The following PTPN14 variants were observed in gnomAD, a reference collection of about 807,000 sequenced individuals.
The protein encoded by PTPN14 is protein tyrosine phosphatase non-receptor type 14.
In PTPN14, 53 loss-of-function variants were observed where a neutral mutation model predicts 126.8. The ratio of observed to expected loss-of-function variants is 0.42; its 90% CI spans 0.34 to 0.53. The LOEUF (loss-of-function observed/expected upper bound fraction) is 0.53. Among genes scored for constraint, PTPN14 ranks in the 20% least tolerant of loss-of-function variants. The pLI, the probability that PTPN14 is intolerant of heterozygous loss-of-function variation, is 0.08. For missense variants in PTPN14, 1,257 were observed against 1,552.9 expected, an observed-to-expected ratio of 0.81 and a Z score of 3.20; for synonymous variants, 630 against 599.3, an observed-to-expected ratio of 1.05 and a Z score of -0.75.
At chr1:214,385,832 T>G (rs754737871) in intron 12 of PTPN14, among the ~76,000 whole-genome samples, 3 of 152,134 alleles carry the variant, frequency 2.0e-5, no homozygotes, top group Non-Finnish European at 4.4e-5. Flanking sequence ...GTGCCGCAAT[T>G]TATCCACCTC....
chr1:214,504,069 A>T (rs1654771756), intron 1 of PTPN14, among the ~76,000 whole-genome samples: 1 of 152,138 alleles, frequency 6.6e-6, no homozygotes, highest in Non-Finnish European at 1.5e-5. Context: ...GAATAATGTC[A>T]CCACTTTCCC....
At chr1:214,370,334 T>C (rs1571954976) in intron 16 of PTPN14, among the ~76,000 whole-genome samples, 2 of 150,930 alleles carry the variant, frequency 1.3e-5, no homozygotes, top group Non-Finnish European at 1.5e-5. Context: ...GGCTGGAGTG[T>C]GACATGTGAG....
intron 3 of PTPN14, among the ~76,000 whole-genome samples, chr1:214,446,352 G>A (rs1277543591): frequency 6.6e-6 from 1 of 151,894 alleles, no homozygotes; most frequent in East Asian, 1.9e-4. Flanking sequence ...TTAAAGTAGG[G>A]CCTGAGTTAT....
Position 214,383,630 on chromosome 1 carries a change from G to T in PTPN14, c.2225C>A (p.Ala742Asp). 1 of 1,613,286 alleles carries T rather than the reference G, an allele frequency of 6.2e-7. No individual in the cohort carries two copies. The change falls in exon 13 of 19, where the codon GCC (alanine) becomes GAC (aspartate). Residue 742 changes from alanine (A) to aspartate (D), a missense_variant. This residue lies in a region of PTPN14 where 1,021 missense variants were observed against 1,183.3 expected (regional missense o/e 0.86). Coordinates refer to ENST00000366956, the MANE Select transcript of PTPN14 (RefSeq NM_005401.5). The surrounding 1 kb of genome is among the most constrained non-coding windows in gnomAD (Gnocchi z 4.4). ...EYSAQLQAAL[A>D]RIPNKPPPEY... Reference sequence around the variant, plus strand: ...AGGCGGGGGCTTGTTGGGGATGCGGGCCAGGGCCGCCTGCAGCTGGGCACT... The same window carrying T: ...AGGCGGGGGCTTGTTGGGGATGCGGTCCAGGGCCGCCTGCAGCTGGGCACT...
chr1:214,416,019 T>C (rs1427210987), intron 3 of PTPN14, among the ~76,000 whole-genome samples: 1 of 152,230 alleles, frequency 6.6e-6, no homozygotes, highest in Non-Finnish European at 1.5e-5. Flanking sequence ...CTACATGCCA[T>C]TCATTCCTTC....
intron 13 of PTPN14, among the ~76,000 whole-genome samples, chr1:214,378,377 G>GCAAAA (rs1174393007): frequency 1.4e-4 from 21 of 152,028 alleles, no homozygotes; most frequent in Non-Finnish European, 2.8e-4. Context: ...CTGCCATAGG[G>GCAAAA]CAAAACAAAA....
intron 1 of PTPN14, among the ~76,000 whole-genome samples, chr1:214,487,571 T>C (rs565658818): frequency 3.8e-4 from 57 of 150,154 alleles, no homozygotes; most frequent in East Asian, 2.2e-3. Flanking sequence ...GAAGGAGAGG[T>C]TGCAACAAGC....
Position 214,383,447 on chromosome 1 carries a change from G to A in PTPN14, c.2408C>T (p.Ser803Phe). The A allele has an allele frequency of 1.2e-6, 2 of 1,614,270 alleles. No individual in the cohort carries two copies. Among genetic ancestry groups the A allele is most frequent in the African/African-American group, 1.3e-5 (1 of 75,064 alleles). ...GGGTTCCGAGATGGATGGGCCGAGA[G>A]AGGCCCCGTTGACAGCCGGCGGGTC... ...RTDPPAVNGA[S>F]LGPSISEPDL... is the part of the protein sequence containing the mutation. The change falls in exon 13 of 19, where the codon TCT (serine) becomes TTT (phenylalanine). Residue 803 changes from serine to phenylalanine, a missense_variant. Coordinates refer to ENST00000366956, the MANE Select transcript of PTPN14 (RefSeq NM_005401.5). The surrounding 1 kb of genome is among the most constrained non-coding windows in gnomAD (Gnocchi z 4.4).
At chr1:214,407,606 T>C (rs977990613) in intron 5 of PTPN14, among the ~76,000 whole-genome samples, 2 of 152,196 alleles carry the variant, frequency 1.3e-5, no homozygotes, top group Non-Finnish European at 2.9e-5. Flanking sequence ...ACTGACCTCA[T>C]GCACTAATAT....
At chr1:214,398,574 G>A (rs1658940082) in intron 7 of PTPN14, among the ~76,000 whole-genome samples, 1 of 149,526 alleles carries the variant, frequency 6.7e-6, no homozygotes, top group South Asian at 2.1e-4. Context: ...AGTCTCCCAA[G>A]TAGCTGGGAC....
intron 1 of PTPN14, among the ~76,000 whole-genome samples, chr1:214,542,059 T>C (rs1655849901): frequency 6.6e-6 from 1 of 152,204 alleles, no homozygotes; most frequent in South Asian, 2.1e-4. Flanking sequence ...CCATACCCTG[T>C]CTTTTGTGTT....
chr1:214,380,167 T>G (rs1303464793), intron 13 of PTPN14, among the ~76,000 whole-genome samples: 4 of 152,178 alleles, frequency 2.6e-5, no homozygotes, highest in African/African-American at 9.6e-5. Flanking sequence ...TGCCACCTCT[T>G]TCACTTGGGA....
intron 1 of PTPN14, among the ~76,000 whole-genome samples, chr1:214,519,974 G>A (rs1480639765): frequency 1.3e-5 from 2 of 149,884 alleles, no homozygotes; most frequent in African/African-American, 2.5e-5. Context: ...TTGAGCCCGC[G>A]GGGTTCGAGG....
chr1:214,473,391 A>C (rs1387851744), intron 1 of PTPN14, among the ~76,000 whole-genome samples: 2 of 152,232 alleles, frequency 1.3e-5, no homozygotes, highest in Non-Finnish European at 2.9e-5. Flanking sequence ...TCCAAATCCT[A>C]AACATGGTCA....
rs959448475 is a variant in PTPN14 at position 214,352,998 on chromosome 1, T to C, written c.*4924A>G. 3 of 152,304 alleles carry C rather than the reference T, an allele frequency of 2.0e-5. No homozygotes were observed. The highest frequency in any genetic ancestry group is 3.4e-3 in the Middle Eastern group (1 of 294). 9.4% of individuals were successfully genotyped at this position (152,304 alleles called of 1,614,324 possible). A position where few individuals can be genotyped will look rare whatever the true frequency, so the allele number is the denominator to read the frequency against. ...TCTAGGAGCTCCACAGAGTTATTTC[T>C]GACACTGAGTAAGAACACAGGTCTG... On this transcript the variant is annotated 3_prime_UTR_variant, in exon 19 of 19. Coordinates refer to ENST00000366956, the MANE Select transcript of PTPN14 (RefSeq NM_005401.5).
At chr1:214,389,117 C>T (rs1658692228) in intron 11 of PTPN14, among the ~76,000 whole-genome samples, 1 of 152,174 alleles carries the variant, frequency 6.6e-6, no homozygotes, top group South Asian at 2.1e-4. Context: ...CTAAATTTTT[C>T]CATGGTAGCA....
chr1:214,533,063 T>C, intron 1 of PTPN14: 2 of 744,908 alleles, frequency 2.7e-6, no homozygotes, highest in South Asian at 1.4e-5. Context: ...GAGATGACAC[T>C]CACGGAGCTG....
At chr1:214,449,532 C>T (rs563215170) in intron 3 of PTPN14, among the ~76,000 whole-genome samples, 6 of 152,232 alleles carry the variant, frequency 3.9e-5, no homozygotes, top group East Asian at 1.9e-4. Context: ...ACTTAATGGC[C>T]GAGAGCCAAG....
intron 1 of PTPN14, among the ~76,000 whole-genome samples, chr1:214,497,686 C>G (rs867245683): frequency 1.3e-5 from 2 of 152,198 alleles, no homozygotes; most frequent in African/African-American, 4.8e-5. Flanking sequence ...GGCAGCTTAC[C>G]ATATATTACC....
Sources: allele counts gnomAD v4.1 joint callset (sites outside exome capture counted in the v4.1 genomes callset), GRCh38; gene constraint gnomAD v4.1.1; regional missense constraint gnomAD v4.1.1; non-coding constraint Gnocchi (gnomAD v3.1); transcripts MANE v1.5; gene names NCBI Gene and HGNC (gene_info 2026-07-23, HGNC 2026-07-21).